Variants in PCSK5 observed in about 807,000 individuals in gnomAD.
PCSK5 encodes the protein proprotein convertase subtilisin/kexin type 5.
PCSK5 carries 129 observed loss-of-function variants against 233.2 expected under a neutral mutation model. The ratio of observed to expected loss-of-function variants is 0.55; its 90% CI spans 0.48 to 0.64. PCSK5 has a LOEUF of 0.64. Among genes scored for constraint, PCSK5 ranks in the 30% least tolerant of loss-of-function variants. The pLI, the probability that PCSK5 is intolerant of heterozygous loss-of-function variation, is 0.00. For missense variants in PCSK5, 2,076 were observed against 2,430.1 expected, an observed-to-expected ratio of 0.85 and a Z score of 3.06; for synonymous variants, 825 against 879.2, an observed-to-expected ratio of 0.94 and a Z score of 1.09.
chr9:76,099,331 G>T (rs1278000330), intron 8 of PCSK5, among the ~76,000 whole-genome samples: 1 of 152,090 alleles, frequency 6.6e-6, no homozygotes, highest in Non-Finnish European at 1.5e-5. Context: ...GATAATACCA[G>T]CACCTACCTC....
chr9:76,047,937 A>G (rs923588368), intron 5 of PCSK5, among the ~76,000 whole-genome samples: 1 of 152,200 alleles, frequency 6.6e-6, no homozygotes, highest in African/African-American at 2.4e-5. Context: ...GAATTTTAGT[A>G]GGGTCATAAA....
At chr9:75,967,072 CTTT>C (rs34882997) in intron 2 of PCSK5, among the ~76,000 whole-genome samples, 4 of 151,766 alleles carry the variant, frequency 2.6e-5, no homozygotes, top group Non-Finnish European at 5.9e-5. Context: ...ATTTCCACCC[CTTT>C]TTTAAGTGTT....
chr9:76,062,333 T>G (rs1252493615), intron 5 of PCSK5, among the ~76,000 whole-genome samples: 1 of 152,186 alleles, frequency 6.6e-6, no homozygotes, highest in Non-Finnish European at 1.5e-5. Flanking sequence ...TGGAAACATC[T>G]GAGACAGATA....
At chr9:75,911,398 C>T (rs1822732956) in intron 1 of PCSK5, among the ~76,000 whole-genome samples, 1 of 151,912 alleles carries the variant, frequency 6.6e-6, no homozygotes, top group South Asian at 2.1e-4. Context: ...TGTGAGTTTT[C>T]CCTTTGCCAT....
intron 20 of PCSK5, among the ~76,000 whole-genome samples, chr9:76,224,567 T>A: frequency 6.6e-6 from 1 of 152,144 alleles, no homozygotes; most frequent in East Asian, 1.9e-4. Flanking sequence ...AAGAGATGAA[T>A]GAAGGGATAA....
chr9:76,097,275 C>T (rs1831570319), intron 8 of PCSK5, among the ~76,000 whole-genome samples: 1 of 33,832 alleles, frequency 3.0e-5, no homozygotes, highest in Non-Finnish European at 5.9e-5. Flanking sequence ...TTTTTTGAGA[C>T]GGAGTCTCGC....
At chr9:76,117,550 G>A (rs989671940) in intron 9 of PCSK5, among the ~76,000 whole-genome samples, 2 of 152,074 alleles carry the variant, frequency 1.3e-5, no homozygotes, top group Non-Finnish European at 2.9e-5. Context: ...TTCTGGCAAC[G>A]TTAAGCACAT....
At chr9:76,355,834 G>C (rs1454634028) in intron 37 of PCSK5, among the ~76,000 whole-genome samples, 1 of 152,004 alleles carries the variant, frequency 6.6e-6, no homozygotes, top group Non-Finnish European at 1.5e-5. Flanking sequence ...CTCCAGAGTA[G>C]CTTGGATTAC....
At chr9:76,317,769 G>C (rs1206605567) in intron 30 of PCSK5, among the ~76,000 whole-genome samples, 2 of 152,172 alleles carry the variant, frequency 1.3e-5, no homozygotes, top group African/African-American at 2.4e-5. Flanking sequence ...GATTGAACTT[G>C]CCCTTCTACG....
At position 75,931,138 on chromosome 9, in the gene PCSK5, C is replaced by T. The variant is rs1280389011; in HGVS notation, c.193-1241C>T. ...TTACTGTGTAAAGCCCTAGTGAGGA[C>T]ATGATTTCTAAATAGCACAGAAATT... On this transcript the variant is annotated intron_variant, in intron 1 of 37. Transcript: ENST00000674117. Among the ~76,000 whole-genome samples, 4 of 151,592 alleles carry T rather than the reference C, an allele frequency of 2.6e-5. No individual in the cohort carries two copies. In the East Asian group the frequency reaches 7.8e-4, roughly 29 times the overall value.
intron 2 of PCSK5, among the ~76,000 whole-genome samples, chr9:75,958,873 A>G (rs1162874814): frequency 6.6e-6 from 1 of 152,254 alleles, no homozygotes; most frequent in African/African-American, 2.4e-5. Context: ...CCATTCATTC[A>G]ATCAACACTA....
At chr9:76,038,219 C>A (rs940022845) in intron 5 of PCSK5, among the ~76,000 whole-genome samples, 2 of 152,174 alleles carry the variant, frequency 1.3e-5, no homozygotes, top group Non-Finnish European at 2.9e-5. Context: ...ACCCTTCCGC[C>A]CCGACAAGTA....
chr9:76,147,695 T>C (rs766219076), intron 10 of PCSK5, among the ~76,000 whole-genome samples: 12 of 152,224 alleles, frequency 7.9e-5, no homozygotes, highest in Non-Finnish European at 4.4e-5. Flanking sequence ...TCTTCTCTCC[T>C]GTGCATCTGG....
intron 17 of PCSK5, among the ~76,000 whole-genome samples, chr9:76,186,184 A>G (rs11144786): frequency 0.064 from 9,811 of 152,208 alleles, 390 homozygotes; most frequent in Non-Finnish European, 0.066. Flanking sequence ...TCATTGTTGT[A>G]CTGTCTTCAA....
chr9:76,214,164 A>AAAGGGTAG (rs1825433822), intron 20 of PCSK5, among the ~76,000 whole-genome samples: 1 of 152,150 alleles, frequency 6.6e-6, no homozygotes, highest in Admixed American at 6.5e-5. Flanking sequence ...TCTATCCCAC[A>AAAGGGTAG]AAGGGTAGAA....
intron 1 of PCSK5, among the ~76,000 whole-genome samples, chr9:75,924,839 T>C (rs949178526): frequency 6.6e-6 from 1 of 152,156 alleles, no homozygotes; most frequent in Non-Finnish European, 1.5e-5. Flanking sequence ...GTTAGGAGCA[T>C]ATGCTCTGGA....
intron 2 of PCSK5, among the ~76,000 whole-genome samples, chr9:75,975,296 T>C (rs1466540505): frequency 1.3e-5 from 2 of 152,178 alleles, no homozygotes; most frequent in Non-Finnish European, 2.9e-5. Flanking sequence ...GTATGTGCAA[T>C]GGAGCTGAAT....
At chr9:76,357,604 C>A (rs1830333494) in intron 37 of PCSK5, among the ~76,000 whole-genome samples, 1 of 152,096 alleles carries the variant, frequency 6.6e-6, no homozygotes, top group African/African-American at 2.4e-5. Flanking sequence ...CTTTTTCTGC[C>A]AGGCTAGGAG....
At chr9:75,972,761 T>C (rs564980661) in intron 2 of PCSK5, among the ~76,000 whole-genome samples, 2 of 152,334 alleles carry the variant, frequency 1.3e-5, no homozygotes, top group East Asian at 1.9e-4. Flanking sequence ...GCTTGTCAGC[T>C]TAAGAAGCTT....
Sources: allele counts gnomAD v4.1 joint callset (sites outside exome capture counted in the v4.1 genomes callset), GRCh38; gene constraint gnomAD v4.1.1; transcripts MANE v1.5; gene names NCBI Gene and HGNC (gene_info 2026-07-23, HGNC 2026-07-21).